The following NWD2 variants were observed in gnomAD, a reference collection of about 807,000 sequenced individuals.
The protein encoded by NWD2 is NACHT and WD repeat domain-containing protein 2.
A neutral mutation model predicts 132.7 loss-of-function variants in NWD2; 37 were observed. The observed-to-expected ratio is 0.28, with a 90% CI of 0.21 to 0.37. The LOEUF is 0.37. Among genes scored for constraint, NWD2 ranks in the 10% least tolerant of loss-of-function variants. The pLI is 1.00. For synonymous variants in NWD2, 705 were observed against 803.0 expected (o/e 0.88, Z 2.06); for missense variants, 1,592 against 2,122.4 (o/e 0.75, Z 4.91).
At chr4:37,355,589 T>C (rs936281370) in intron 2 of NWD2, among the ~76,000 whole-genome samples, 2 of 152,162 alleles carry the variant, frequency 1.3e-5, no homozygotes, top group Non-Finnish European at 2.9e-5. Context: ...TTTTCAAAGC[T>C]ACAACTGGGA....
intron 1 of NWD2, among the ~76,000 whole-genome samples, chr4:37,269,229 C>T (rs905226492): frequency 1.3e-5 from 2 of 151,796 alleles, no homozygotes; most frequent in South Asian, 4.1e-4. Context: ...AAAATAACGC[C>T]GGTCACCATT....
chr4:37,443,497 T>A lies in NWD2; in HGVS notation c.1509T>A (p.Ser503=). The change falls in exon 7 of 7, where the codon TCT becomes TCA. Residue 503 remains serine (S), a synonymous_variant. Transcript: ENST00000309447. The surrounding 1 kb of genome is among the most constrained non-coding windows in gnomAD (Gnocchi z 4.1). ...TATTTATAAATCTTTTGAATGAGTC[T>A]TCACTGCAGAGACCTCTAGTCATAA... is the stretch of plus-strand genomic sequence containing the variant. ...CDLFINLLNE[S]SLQRPLVIIF... is the part of the protein sequence containing the mutation. The A allele has an allele frequency of 6.4e-7, 1 of 1,552,020 alleles. No homozygotes were observed. The highest frequency in any genetic ancestry group is 1.4e-5 in the African/African-American group (1 of 73,166).
At chr4:37,327,462 T>C (rs1223250027) in intron 2 of NWD2, among the ~76,000 whole-genome samples, 1 of 152,148 alleles carries the variant, frequency 6.6e-6, no homozygotes, top group African/African-American at 2.4e-5. Flanking sequence ...TGAGGAGATG[T>C]TGGACCACAG....
intron 1 of NWD2, among the ~76,000 whole-genome samples, chr4:37,265,304 TG>T (rs1351104312): frequency 6.6e-6 from 1 of 152,076 alleles, no homozygotes; most frequent in African/African-American, 2.4e-5. Context: ...GTATGAGACA[TG>T]GGATTGACAT....
chr4:37,385,564 A>G (rs1238446559), intron 3 of NWD2, among the ~76,000 whole-genome samples: 1 of 152,208 alleles, frequency 6.6e-6, no homozygotes, highest in Non-Finnish European at 1.5e-5. Flanking sequence ...ATTCTGTGTG[A>G]GGACTGATTG....
rs1487831652 is a variant in NWD2, at chr4:37,435,484, C to T, written c.706+1464C>T. 2.6e-5 allele frequency among the ~76,000 whole-genome samples: 4 copies of T among 152,196 alleles called. No homozygotes were observed. In the South Asian group the frequency reaches 6.2e-4, roughly 24 times the overall value. ...TTAAATATATAGATCAGGGTATATCCTTGTTCCTTTGGAACCTTTAGATCC... is the reference window on the plus strand; with the variant it reads ...TTAAATATATAGATCAGGGTATATCTTTGTTCCTTTGGAACCTTTAGATCC... On this transcript the variant is annotated intron_variant, in intron 5 of 6. Transcript: ENST00000309447.
chr4:37,250,794 T>C (rs1426415325), intron 1 of NWD2, among the ~76,000 whole-genome samples: 1 of 152,218 alleles, frequency 6.6e-6, no homozygotes, highest in Non-Finnish European at 1.5e-5. Flanking sequence ...AATTTTGTCA[T>C]TGTATGAACA....
intron 3 of NWD2, among the ~76,000 whole-genome samples, chr4:37,426,573 T>A (rs1474550484): frequency 1.3e-5 from 2 of 152,222 alleles, no homozygotes; most frequent in Admixed American, 1.3e-4. Context: ...AGCTCTTGAT[T>A]TTTGAAATGA....
Position 37,447,052 on chromosome 4 carries a change from C to T in NWD2, c.5064C>T (p.Cys1688=), listed in dbSNP as rs958925651. 1 of 1,551,552 alleles carries T rather than the reference C, an allele frequency of 6.4e-7. No individual in the cohort carries two copies. Among genetic ancestry groups the T allele is most frequent in the Non-Finnish European group, 8.7e-7 (1 of 1,147,006 alleles). Residue 1688 remains cysteine (C), a synonymous_variant, in exon 7 of 7, where the codon TGC becomes TGT. Coordinates refer to ENST00000309447, the MANE Select transcript of NWD2 (RefSeq NM_001144990.2). ...NSYCFKISVD[C]LWRESTEVFA... ...ATTGTTTTAAAATATCTGTGGATTG[C>T]TTATGGAGAGAGTCCACTGAGGTCT...
chr4:37,260,241 T>C (rs997616537), intron 1 of NWD2, among the ~76,000 whole-genome samples: 3 of 152,198 alleles, frequency 2.0e-5, no homozygotes, highest in Admixed American at 2.0e-4. Flanking sequence ...TGAAACATCT[T>C]GGCTTCTACT....
At chr4:37,374,068 C>G (rs1448219744) in intron 3 of NWD2, among the ~76,000 whole-genome samples, 1 of 152,102 alleles carries the variant, frequency 6.6e-6, no homozygotes, top group Non-Finnish European at 1.5e-5. Flanking sequence ...AAATGTGATC[C>G]CCAGTATTGG....
chr4:37,407,966 G>A (rs1721078728), intron 3 of NWD2, among the ~76,000 whole-genome samples: 1 of 152,158 alleles, frequency 6.6e-6, no homozygotes, highest in South Asian at 2.1e-4. Context: ...GGGAAGCCAT[G>A]AGGAACTGAG....
chr4:37,325,172 C>T lies in NWD2; in HGVS notation c.152-764C>T, dbSNP rs1053243675. Among the ~76,000 whole-genome samples the T allele has an allele frequency of 2.6e-5, 4 of 152,094 alleles. 1 individual carries two copies. The highest frequency in any genetic ancestry group is 4.1e-4 in the South Asian group (2 of 4,826). ...GGAATCCCTTTCTGTGCAAAACATT[C>T]GACATTAAATGCATACATGTTTTGT... On this transcript the variant is annotated intron_variant, in intron 1 of 6. Transcript: ENST00000309447.
chr4:37,341,235 T>A (rs1454985972), intron 2 of NWD2, among the ~76,000 whole-genome samples: 1 of 152,248 alleles, frequency 6.6e-6, no homozygotes, highest in Non-Finnish European at 1.5e-5. Flanking sequence ...TTCCCAGCTG[T>A]AGTCTAACAT....
At position 37,303,544 on chromosome 4, in the gene NWD2, A is replaced by G. The variant is rs190783295; in HGVS notation, c.152-22392A>G. On this transcript the variant is annotated intron_variant, in intron 1 of 6. Transcript: ENST00000309447. Reference sequence around the variant, plus strand: ...ACATTGAATCTGTAGATTAGGTAGTATAGTAATTTTGACAGTCTTCCAATT... The same window carrying G: ...ACATTGAATCTGTAGATTAGGTAGTGTAGTAATTTTGACAGTCTTCCAATT... Among the ~76,000 whole-genome samples the G allele has an allele frequency of 1.4e-4, 21 of 152,246 alleles. No individual in the cohort carries two copies. The East Asian group carries it at 3.9e-3, about 28-fold the overall frequency.
intron 3 of NWD2, among the ~76,000 whole-genome samples, chr4:37,428,911 T>C (rs974212653): frequency 7.2e-5 from 11 of 152,136 alleles, no homozygotes; most frequent in African/African-American, 2.7e-4. Context: ...TTTGTATTTT[T>C]AGTAGAGACA....
intron 1 of NWD2, among the ~76,000 whole-genome samples, chr4:37,320,588 G>C (rs1257489750): frequency 6.6e-6 from 1 of 152,148 alleles, no homozygotes; most frequent in African/African-American, 2.4e-5. Context: ...ATAAGGAAGA[G>C]TGTGGGAGGC....
chr4:37,355,359 A>G (rs1719850906), intron 2 of NWD2, among the ~76,000 whole-genome samples: 1 of 152,178 alleles, frequency 6.6e-6, no homozygotes, highest in Non-Finnish European at 1.5e-5. Context: ...GCCTTCTAAA[A>G]CACTCAAATG....
chr4:37,313,637 T>C (rs1776531), intron 1 of NWD2, among the ~76,000 whole-genome samples: 7,558 of 151,064 alleles, frequency 0.05, 955 homozygotes, highest in African/African-American at 0.16. Flanking sequence ...TTGAAGATGC[T>C]ATTTATCAAG....
Sources: gnomAD v4.1 joint callset for allele counts (sites outside exome capture counted in the v4.1 genomes callset) on GRCh38, gnomAD v4.1.1 for gene constraint, Gnocchi (gnomAD v3.1) non-coding constraint, MANE v1.5 for transcripts, NCBI Gene and HGNC (gene_info 2026-07-23, HGNC 2026-07-21) for gene names.